SCHIP1: variants seen among roughly 807,000 people sequenced by gnomAD.
SCHIP1 encodes schwannomin interacting protein 1.
SCHIP1 carries 8 observed loss-of-function variants against 29.7 expected under a neutral mutation model. The observed-to-expected ratio is 0.27, with a 90% CI of 0.16 to 0.49. The LOEUF is 0.49. SCHIP1 is among the 20% of genes least tolerant of loss of function. The pLI is 0.99. For synonymous variants in SCHIP1, 76 were observed against 94.9 expected (o/e 0.80, Z 1.16); for missense variants, 193 against 294.6 (o/e 0.66, Z 2.52).
chr3:159,495,881 G>A, the SCHIP1 span, among the ~76,000 whole-genome samples: 35 of 152,294 alleles, frequency 2.3e-4, no homozygotes, highest in African/African-American at 8.2e-4. Flanking sequence ...AACCAAACCA[G>A]CATGGTACAG....
chr3:159,574,939 C>T, the SCHIP1 span, among the ~76,000 whole-genome samples: 796 of 152,332 alleles, frequency 5.2e-3, 3 homozygotes, highest in Middle Eastern at 0.01. Flanking sequence ...TCCTTGTCTG[C>T]CAGTTGCTAA....
chr3:159,388,352 C>T, the SCHIP1 span, among the ~76,000 whole-genome samples: 1 of 151,896 alleles, frequency 6.6e-6, no homozygotes, highest in Admixed American at 6.6e-5. Context: ...TTTAAAATGC[C>T]AAGGAGTAAA....
At chr3:159,637,271 T>C in the SCHIP1 span, among the ~76,000 whole-genome samples, 1 of 152,110 alleles carries the variant, frequency 6.6e-6, no homozygotes, top group Non-Finnish European at 1.5e-5. Context: ...AAACAATCTG[T>C]CATTTTGGAA....
the SCHIP1 span, among the ~76,000 whole-genome samples, chr3:159,463,956 C>G: frequency 6.6e-6 from 1 of 152,068 alleles, no homozygotes; most frequent in South Asian, 2.1e-4. Context: ...CATCATTTAA[C>G]CAGTCCCCCA....
chr3:159,863,643 C>CT (rs1560087849), intron 1 of SCHIP1, among the ~76,000 whole-genome samples: 1 of 152,084 alleles, frequency 6.6e-6, no homozygotes, highest in South Asian at 2.1e-4. Context: ...AAAATGTTAG[C>CT]AATCATGTCT....
the SCHIP1 span, among the ~76,000 whole-genome samples, chr3:159,834,812 G>A: frequency 6.6e-6 from 1 of 152,162 alleles, no homozygotes; most frequent in African/African-American, 2.4e-5. Context: ...TTCAGGTGAT[G>A]TGTATAAAGT....
the SCHIP1 span, among the ~76,000 whole-genome samples, chr3:159,638,632 C>T: frequency 1.4e-5 from 2 of 144,766 alleles, no homozygotes; most frequent in Non-Finnish European, 1.5e-5. Flanking sequence ...AAAAAAAAAA[C>T]AGCTAGAGGG....
chr3:159,356,215 AAAAAG>A, the SCHIP1 span, among the ~76,000 whole-genome samples: 2 of 152,202 alleles, frequency 1.3e-5, no homozygotes, highest in African/African-American at 4.8e-5. Context: ...TAATAAAAAA[AAAAAG>A]AAAAAAGAAA....
chr3:159,675,249 A>T, the SCHIP1 span, among the ~76,000 whole-genome samples: 4 of 152,226 alleles, frequency 2.6e-5, no homozygotes, highest in Non-Finnish European at 5.9e-5. Flanking sequence ...TGCTTTGGAA[A>T]ATCCCATGTT....
At chr3:159,309,645 T>G in the SCHIP1 span, among the ~76,000 whole-genome samples, 1 of 152,174 alleles carries the variant, frequency 6.6e-6, no homozygotes, top group East Asian at 1.9e-4. Context: ...TTCTTCTTCC[T>G]CCTTGTTCAT....
At chr3:159,733,543 C>T in the SCHIP1 span, among the ~76,000 whole-genome samples, 9 of 152,178 alleles carry the variant, frequency 5.9e-5, no homozygotes, top group African/African-American at 2.2e-4. Flanking sequence ...CTAGTTGAGT[C>T]AAGGTCCATT....
the SCHIP1 span, chr3:159,765,253 C>G: frequency 2.4e-6 from 3 of 1,256,362 alleles, no homozygotes; most frequent in Admixed American, 8.3e-5. Context: ...CATTCTTCCT[C>G]GAGGGTGGGG....
the SCHIP1 span, among the ~76,000 whole-genome samples, chr3:159,420,661 T>C: frequency 2.6e-5 from 4 of 152,232 alleles, no homozygotes; most frequent in Non-Finnish European, 5.9e-5. Flanking sequence ...TTTGTCCTGC[T>C]ATCTGATTAT....
At chr3:159,458,742 A>G in the SCHIP1 span, among the ~76,000 whole-genome samples, 1 of 152,164 alleles carries the variant, frequency 6.6e-6, no homozygotes, top group African/African-American at 2.4e-5. Context: ...TTTTAACACA[A>G]TAAATGATGG....
At chr3:159,571,403 A>T in the SCHIP1 span, among the ~76,000 whole-genome samples, 2 of 152,154 alleles carry the variant, frequency 1.3e-5, no homozygotes, top group Admixed American at 1.3e-4. Flanking sequence ...CGTTTTTATC[A>T]TTGGTTCTGT....
the SCHIP1 span, among the ~76,000 whole-genome samples, chr3:159,456,709 G>A: frequency 2.0e-5 from 3 of 152,120 alleles, no homozygotes; most frequent in African/African-American, 7.2e-5. Context: ...CTTCCACTTC[G>A]TAAAATAATT....
the SCHIP1 span, among the ~76,000 whole-genome samples, chr3:159,476,260 T>C: frequency 1.3e-5 from 2 of 152,220 alleles, no homozygotes; most frequent in Admixed American, 1.3e-4. Context: ...CATTGTATTG[T>C]ACTCACTAGC....
chr3:159,354,993 T>C, the SCHIP1 span, among the ~76,000 whole-genome samples: 1 of 152,158 alleles, frequency 6.6e-6, no homozygotes, highest in African/African-American at 2.4e-5. Flanking sequence ...TTGCCTCCCA[T>C]AGATATTCTA....
the SCHIP1 span, among the ~76,000 whole-genome samples, chr3:159,548,339 A>G: frequency 2.6e-5 from 4 of 151,898 alleles, no homozygotes; most frequent in Admixed American, 1.3e-4. Context: ...AGTTTTGGTA[A>G]GTTATTTTTA....
Sources: allele counts gnomAD v4.1 joint callset (sites outside exome capture counted in the v4.1 genomes callset), GRCh38; gene constraint gnomAD v4.1.1; transcripts MANE v1.5; gene names NCBI Gene and HGNC (gene_info 2026-07-23, HGNC 2026-07-21).